The following USP39 variants were observed in gnomAD, a reference collection of about 807,000 sequenced individuals.
The protein encoded by USP39 is ubiquitin specific peptidase 39, also known as ubiquitin carboxyl-terminal hydrolase 39.
USP39 carries 38 observed loss-of-function variants against 66.4 expected under a neutral mutation model. The observed-to-expected ratio is 0.57, with a 90% CI of 0.44 to 0.75. The LOEUF (loss-of-function observed/expected upper bound fraction) is 0.75. Ranked by LOEUF, USP39 falls within the 30% of genes least tolerant of loss-of-function variation. The pLI is 0.00. For synonymous variants in USP39, 303 were observed against 274.6 expected, an observed-to-expected ratio of 1.10 and a Z score of -1.02; for missense variants, 608 against 714.4, an observed-to-expected ratio of 0.85 and a Z score of 1.70.
chr2:85,611,328 C>T, upstream of USP39: 1 of 1,428,744 alleles, frequency 7.0e-7, no homozygotes, highest in Non-Finnish European at 9.1e-7. Flanking sequence ...TGGGTTCATT[C>T]CGCAATTATG....
chr2:85,614,246 G>A (rs182723369), upstream of USP39, among the ~76,000 whole-genome samples: 220 of 152,138 alleles, frequency 1.4e-3, no homozygotes, highest in African/African-American at 5.0e-3. Context: ...CAGGTGTCGC[G>A]GCTTATGCCT....
chr2:85,644,504 T>C (rs916736619), intron 10 of USP39, among the ~76,000 whole-genome samples: 2 of 152,158 alleles, frequency 1.3e-5, no homozygotes, highest in African/African-American at 4.8e-5. Context: ...TGGTCCTGGC[T>C]CACTTTAGCC....
chr2:85,622,836 A>C (rs1674564618), intron 3 of USP39, among the ~76,000 whole-genome samples: 1 of 152,084 alleles, frequency 6.6e-6, no homozygotes, highest in Admixed American at 6.6e-5. Context: ...TAAAGTCAAG[A>C]GTTCAAGACC....
At position 85,619,441 on chromosome 2, in the gene USP39, T is replaced by C. The variant is rs1452376769; in HGVS notation, c.338+152T>C. ...CTTCTTGCCATGTTACTCCTTATTC[T>C]TTGATTTAAAGTGTCAGAACACATG... On this transcript the variant is annotated intron_variant, in intron 2 of 12. Transcript: ENST00000323701. The C allele has an allele frequency of 6.6e-6, 5 of 762,620 alleles. No homozygotes were observed. The East Asian group carries it at 1.1e-4, about 17-fold the overall frequency. The allele number at this position is 762,620 out of a possible 1,614,324, so 47.2% of individuals were successfully genotyped here.
At chr2:85,613,003 G>A (rs1041061038), upstream of USP39, among the ~76,000 whole-genome samples, 3 of 148,946 alleles carry the variant, frequency 2.0e-5, no homozygotes, top group Non-Finnish European at 4.4e-5. Flanking sequence ...CTGGGTTCAC[G>A]TCACAGCGTG....
At chr2:85,634,565 C>T (rs183831222) in intron 6 of USP39, among the ~76,000 whole-genome samples, 167 of 152,250 alleles carry the variant, frequency 1.1e-3, no homozygotes, top group Non-Finnish European at 1.9e-3. Context: ...CAGAGTGAGA[C>T]GCTGTGTCGC....
At chr2:85,644,729 T>G (rs1420636972) in intron 10 of USP39, among the ~76,000 whole-genome samples, 1 of 152,130 alleles carries the variant, frequency 6.6e-6, no homozygotes, top group African/African-American at 2.4e-5. Context: ...CATTCTTTTT[T>G]TTTTTTTTAA....
At chr2:85,632,186 G>A (rs1464984547) in intron 6 of USP39, among the ~76,000 whole-genome samples, 1 of 152,170 alleles carries the variant, frequency 6.6e-6, no homozygotes, top group East Asian at 1.9e-4. Flanking sequence ...TTCACTCATG[G>A]TGCTAGGTTT....
chr2:85,618,951 G>T (rs957411639), intron 1 of USP39, among the ~76,000 whole-genome samples: 1 of 151,950 alleles, frequency 6.6e-6, no homozygotes, highest in African/African-American at 2.4e-5. Context: ...TGTGTTTTTT[G>T]TAGAGACGGG....
intron 4 of USP39, among the ~76,000 whole-genome samples, chr2:85,624,362 T>C (rs1401817453): frequency 6.6e-6 from 1 of 152,124 alleles, no homozygotes; most frequent in African/African-American, 2.4e-5. Context: ...GGTTTTTTTT[T>C]TGAGACAGGG....
chr2:85,621,781 A>G (rs554932389), intron 3 of USP39, among the ~76,000 whole-genome samples: 1 of 152,210 alleles, frequency 6.6e-6, no homozygotes, highest in African/African-American at 2.4e-5. Context: ...AGAGCTAGTC[A>G]TATGAAAGAC....
intron 1 of USP39, among the ~76,000 whole-genome samples, chr2:85,616,985 C>T (rs1358309862): frequency 1.3e-5 from 2 of 152,076 alleles, no homozygotes; most frequent in Admixed American, 6.5e-5. Context: ...CCACCGTGCC[C>T]GGCCAAACGT....
At chr2:85,604,969 G>A (rs1673164804) in intron 1 of USP39, among the ~76,000 whole-genome samples, 1 of 152,196 alleles carries the variant, frequency 6.6e-6, no homozygotes, top group Non-Finnish European at 1.5e-5. Context: ...ATTATCCCAG[G>A]ATGGAGCTCC....
chr2:85,604,383 T>A (rs1673140386), intron 1 of USP39, among the ~76,000 whole-genome samples: 2 of 152,106 alleles, frequency 1.3e-5, no homozygotes, highest in Non-Finnish European at 2.9e-5. Context: ...CTAATTTTTT[T>A]ATATTTTTAG....
At chr2:85,614,397 C>T, upstream of USP39, among the ~76,000 whole-genome samples, 1 of 152,012 alleles carries the variant, frequency 6.6e-6, no homozygotes. Context: ...GCATGTAATC[C>T]CAGCTACTCA....
In USP39 at chr2:85,645,058, C is replaced by G. The variant is rs1408711602; in HGVS notation, c.1538C>G (p.Ser513Cys). 2.5e-6 allele frequency: 4 copies of G among 1,614,152 alleles called. No individual in the cohort carries two copies. The highest frequency in any genetic ancestry group is 3.4e-6 in the Non-Finnish European group (4 of 1,180,036). The change falls in exon 11 of 13, where the codon TCC becomes TGC. Residue 513 changes from serine (S) to cysteine (C), a missense_variant. This residue lies in a region of USP39 where 164 missense variants were observed against 250.3 expected (regional missense o/e 0.66). Transcript: ENST00000323701. ...IVHDGKPSEG[S>C]YRIHVLHHGT... Reference sequence around the variant, plus strand: ...CATGACGGCAAGCCCTCCGAGGGCTCCTACCGGATCCACGTGCTTCATCAT... The same window carrying G: ...CATGACGGCAAGCCCTCCGAGGGCTGCTACCGGATCCACGTGCTTCATCAT...
At chr2:85,629,613 C>T (rs1443874142) in intron 5 of USP39, among the ~76,000 whole-genome samples, 7 of 150,560 alleles carry the variant, frequency 4.6e-5, no homozygotes. Context: ...TCTTCTGCCT[C>T]AGCCTCCTGA....
At chr2:85,614,561 G>A (rs1673786407), upstream of USP39, among the ~76,000 whole-genome samples, 1 of 152,160 alleles carries the variant, frequency 6.6e-6, no homozygotes, top group South Asian at 2.1e-4. Context: ...TCCATTGACA[G>A]AATAGGGCGT....
intron 1 of USP39, among the ~76,000 whole-genome samples, chr2:85,604,748 C>T (rs1673156251): frequency 6.6e-6 from 1 of 152,262 alleles, no homozygotes; most frequent in African/African-American, 2.4e-5. Flanking sequence ...ACCTTATCTG[C>T]CCAATGGGGC....
Sources: gnomAD v4.1 joint callset for allele counts (sites outside exome capture counted in the v4.1 genomes callset) on GRCh38, gnomAD v4.1.1 for gene constraint, gnomAD v4.1.1 regional missense constraint, MANE v1.5 for transcripts, NCBI Gene and HGNC (gene_info 2026-07-23, HGNC 2026-07-21) for gene names.